Variants in CADM3 observed in about 807,000 individuals in gnomAD.
CADM3 encodes TSLC1-like 1.
A neutral mutation model predicts 44.9 loss-of-function variants in CADM3; 11 were observed. The observed-to-expected ratio is 0.25, with a 90% CI of 0.15 to 0.41. The LOEUF (loss-of-function observed/expected upper bound fraction) is 0.41. Ranked by LOEUF, CADM3 falls within the 10% of genes least tolerant of loss-of-function variation. The pLI, the probability that CADM3 is intolerant of heterozygous loss-of-function variation, is 1.00. For synonymous variants in CADM3, 207 were observed against 205.2 expected (o/e 1.01, Z -0.08); for missense variants, 426 against 512.0 (o/e 0.83, Z 1.62).
intron 1 of CADM3, among the ~76,000 whole-genome samples, chr1:159,173,211 G>A (rs1179326062): frequency 6.7e-6 from 1 of 148,784 alleles, no homozygotes; most frequent in Non-Finnish European, 1.5e-5. Context: ...GGCCAGCAGG[G>A]ATGGGCACAG....
chr1:159,172,723 C>A (rs1648864923), intron 1 of CADM3, among the ~76,000 whole-genome samples: 1 of 151,928 alleles, frequency 6.6e-6, no homozygotes, highest in Non-Finnish European at 1.5e-5. Context: ...CTCAAACCTT[C>A]GCTGGTTCCT....
At position 159,202,244 on chromosome 1, in the gene CADM3, C is replaced by T. The variant is rs1487540059; in HGVS notation, c.*1322C>T. 6.6e-6 allele frequency: 1 copy of T among 152,664 alleles called. No individual in the cohort carries two copies. Among genetic ancestry groups the T allele is most frequent in the African/African-American group, 2.4e-5 (1 of 41,448 alleles). 9.5% of individuals were successfully genotyped at this position (152,664 alleles called of 1,614,324 possible). A position where few individuals can be genotyped will look rare whatever the true frequency, so the allele number is the denominator to read the frequency against. ...GGGGTATTCCTAGTCAGGGTTCACA[C>T]CTCACCTGGGATGTTGTTCCATGCT... On this transcript the variant is annotated 3_prime_UTR_variant, in exon 9 of 9. Coordinates refer to ENST00000368125, the MANE Select transcript of CADM3 (RefSeq NM_001127173.3).
At chr1:159,185,697 T>C (rs1453950651) in intron 1 of CADM3, among the ~76,000 whole-genome samples, 2 of 152,240 alleles carry the variant, frequency 1.3e-5, no homozygotes, top group Non-Finnish European at 2.9e-5. Flanking sequence ...TAGTCTACCA[T>C]CTCCCTTGGC....
intron 1 of CADM3, among the ~76,000 whole-genome samples, chr1:159,188,649 C>T (rs971650307): frequency 1.4e-4 from 21 of 152,082 alleles, no homozygotes; most frequent in Non-Finnish European, 1.5e-5. Flanking sequence ...TTGGCTACTT[C>T]GGGGCGCTGC....
intron 7 of CADM3, chr1:159,198,162 C>T (rs1361793463): frequency 6.6e-6 from 1 of 152,160 alleles, no homozygotes; most frequent in Non-Finnish European, 1.5e-5. Context: ...CCAGTGCTGA[C>T]GCCTGGTGGT....
rs1456156148 is a variant in CADM3, at chr1:159,196,872, G to A, written c.783-19G>A. The A allele has an allele frequency of 6.2e-7, 1 of 1,611,682 alleles. No homozygotes were observed. The highest frequency in any genetic ancestry group is 2.2e-5 in the East Asian group (1 of 44,814). On this transcript the variant is annotated intron_variant, in intron 6 of 8. Transcript: ENST00000368125. ...GGCCTATGCTCTCCTGAGCTCTTCT[G>A]ATTTGTCTGCCTCGACAGCCCCCAG...
intron 5 of CADM3, 76 bp from the exon 6 acceptor site, chr1:159,196,288 G>A (rs570928085): frequency 1.8e-6 from 2 of 1,110,108 alleles, no homozygotes; most frequent in South Asian, 1.3e-5. Context: ...GGTAGAAGCT[G>A]TAGTGTGCAA....
intron 5 of CADM3, chr1:159,195,748 G>C (rs747476304): frequency 6.6e-6 from 1 of 152,274 alleles, no homozygotes; most frequent in Non-Finnish European, 1.5e-5. Flanking sequence ...TGTTCTGAGC[G>C]GCCATCTGGA....
intron 1 of CADM3, among the ~76,000 whole-genome samples, chr1:159,172,360 C>T (rs34861398): frequency 0.1 from 15,379 of 152,080 alleles, 865 homozygotes; most frequent in Non-Finnish European, 0.12. Flanking sequence ...ATTTCTGCTC[C>T]CCCGCCCGTC....
In CADM3 at chr1:159,200,886, G is replaced by A; in HGVS notation, c.1161G>A (p.Gln387=). ...CCATCATCAATGCAGAAGGCGGGCAGTCAGGAGGGGACGACAAGAAGGAAT... is the reference window on the plus strand; with the variant it reads ...CCATCATCAATGCAGAAGGCGGGCAATCAGGAGGGGACGACAAGAAGGAAT... ...DTAIINAEGG[Q]SGGDDKKEYF... is the part of the protein sequence containing the mutation. The change falls in exon 9 of 9, where the codon CAG becomes CAA. Residue 387 remains glutamine (Q), a synonymous_variant. Transcript: ENST00000368125. 1.2e-6 allele frequency: 2 copies of A among 1,609,422 alleles called. No individual in the cohort carries two copies. Among genetic ancestry groups the A allele is most frequent in the South Asian group, 2.2e-5 (2 of 90,472 alleles).
intron 1 of CADM3, among the ~76,000 whole-genome samples, chr1:159,173,396 C>T (rs989932966): frequency 1.1e-4 from 17 of 152,200 alleles, no homozygotes; most frequent in Middle Eastern, 3.4e-3. Context: ...GGTATGGGGA[C>T]CCTGGGGATC....
intron 1 of CADM3, among the ~76,000 whole-genome samples, chr1:159,183,212 T>A (rs1649297359): frequency 6.6e-6 from 1 of 152,222 alleles, no homozygotes; most frequent in African/African-American, 2.4e-5. Flanking sequence ...GGTCCATAAA[T>A]CCTGGATCTC....
At chr1:159,193,671 G>A (rs964401153) in intron 4 of CADM3, 111 bp downstream of exon 4, 3 of 1,515,018 alleles carry the variant, frequency 2.0e-6, no homozygotes, top group Non-Finnish European at 2.7e-6. Context: ...AAAGGGGAAT[G>A]ACATATATTT....
chr1:159,176,410 A>C (rs190422580), intron 1 of CADM3, among the ~76,000 whole-genome samples: 1 of 152,360 alleles, frequency 6.6e-6, no homozygotes, highest in East Asian at 1.9e-4. Flanking sequence ...GGAAATGCTT[A>C]CAAAAGACAG....
chr1:159,174,408 T>C (rs1412113126), intron 1 of CADM3, among the ~76,000 whole-genome samples: 1 of 152,160 alleles, frequency 6.6e-6, no homozygotes, highest in African/African-American at 2.4e-5. Context: ...AACTAGGCAA[T>C]ATGTATATGT....
In CADM3 at chr1:159,190,751, G is replaced by T. The variant is rs1427923444; in HGVS notation, c.89-1185G>T. On this transcript the variant is annotated intron_variant, in intron 1 of 8. Transcript: ENST00000368125. ...AACCAAGAAAGGAATAAGCAGACAGGCAGGGGTAAGGTAGGTGCCAAAGGG... is the reference window on the plus strand; with the variant it reads ...AACCAAGAAAGGAATAAGCAGACAGTCAGGGGTAAGGTAGGTGCCAAAGGG... Among the ~76,000 whole-genome samples, 4 of 152,348 alleles carry T rather than the reference G, an allele frequency of 2.6e-5. No individual in the cohort carries two copies. The South Asian group carries it at 6.2e-4, about 24-fold the overall frequency.
Position 159,171,660 on chromosome 1 carries a change from CG to C in CADM3, c.-101del. 1.2e-6 allele frequency: 1 copy of C among 850,354 alleles called. No individual in the cohort carries two copies. The highest frequency in any genetic ancestry group is 3.3e-5 in the East Asian group (1 of 29,948). 52.7% of individuals were successfully genotyped at this position (850,354 alleles called of 1,614,324 possible). On this transcript the variant is annotated 5_prime_UTR_variant, in exon 1 of 9. Coordinates refer to ENST00000368125, the MANE Select transcript of CADM3 (RefSeq NM_001127173.3). The stretch of plus-strand genomic sequence containing the variant: ...CTCGGCCCCGGGCTCCGAAGCGGCT[CG>C]GGGGCGCCCTTTCGGTCAACATCGT...
At chr1:159,181,526 C>T (rs964092430) in intron 1 of CADM3, among the ~76,000 whole-genome samples, 3 of 138,768 alleles carry the variant, frequency 2.2e-5, no homozygotes, top group Non-Finnish European at 3.2e-5. Context: ...AGCCCTCCCC[C>T]GTGCTCAGTT....
At position 159,193,478 on chromosome 1, in the gene CADM3, C is replaced by G; in HGVS notation, c.438C>G (p.Asp146Glu). The G allele has an allele frequency of 6.2e-7, 1 of 1,612,928 alleles. No individual in the cohort carries two copies. The highest frequency in any genetic ancestry group is 8.5e-7 in the Non-Finnish European group (1 of 1,179,090). The change falls in exon 4 of 9, where the codon GAC becomes GAG. Residue 146 changes from aspartate (D) to glutamate (E), a missense_variant. By Grantham distance (45) the Asp-to-Glu change is conservative. Coordinates refer to ENST00000368125, the MANE Select transcript of CADM3 (RefSeq NM_001127173.3). ...ATAAATCTTCATTACGGGAAAAAGACACAGCCACCCTAAACTGTCAGTCTT... is the reference window on the plus strand; with the variant it reads ...ATAAATCTTCATTACGGGAAAAAGAGACAGCCACCCTAAACTGTCAGTCTT... ...TGYKSSLREK[D>E]TATLNCQSSG...
Sources: gnomAD v4.1 joint callset for allele counts (sites outside exome capture counted in the v4.1 genomes callset) on GRCh38, gnomAD v4.1.1 for gene constraint, MANE v1.5 for transcripts, NCBI Gene and HGNC (gene_info 2026-07-23, HGNC 2026-07-21) for gene names.